CLEC4A: variants seen among roughly 807,000 people sequenced by gnomAD.
CLEC4A encodes C-type (calcium dependent, carbohydrate-recognition domain) lectin, superfamily member 6.
CLEC4A carries 27 observed loss-of-function variants against 32.7 expected under a neutral mutation model. That is an observed-to-expected ratio of 0.83 (90% confidence interval 0.61 to 1.14). The LOEUF (loss-of-function observed/expected upper bound fraction) is 1.14. Among genes scored for constraint, CLEC4A ranks in the 50% most tolerant of loss-of-function variants. The pLI is 0.00. For missense variants in CLEC4A, 253 were observed against 274.6 expected, an observed-to-expected ratio of 0.92 and a Z score of 0.55; for synonymous variants, 89 against 93.7, an observed-to-expected ratio of 0.95 and a Z score of 0.29.
chr12:8,127,574 T>C (rs1380803269), intron 2 of CLEC4A, among the ~76,000 whole-genome samples: 3 of 152,166 alleles, frequency 2.0e-5, no homozygotes, highest in Non-Finnish European at 4.4e-5. Flanking sequence ...ATTGGACTTA[T>C]AGAAACATGA....
In CLEC4A at chr12:8,138,322, G is replaced by T. The variant is rs747801834; in HGVS notation, c.*35G>T. 4 of 1,612,190 alleles carry T rather than the reference G, an allele frequency of 2.5e-6. No homozygotes were observed. Among genetic ancestry groups the T allele is most frequent in the Non-Finnish European group, 3.4e-6 (4 of 1,178,724 alleles). ...TCTCCATGAACAGGTGGTTGGATTG[G>T]TATCTGTCATTGTAGGGATAGATAA... On this transcript the variant is annotated 3_prime_UTR_variant, in exon 6 of 6. Coordinates refer to ENST00000229332, the MANE Select transcript of CLEC4A (RefSeq NM_016184.4).
the CLEC4A span, among the ~76,000 whole-genome samples, chr12:8,108,405 A>G: frequency 1.3e-5 from 2 of 152,160 alleles, no homozygotes; most frequent in African/African-American, 4.8e-5. Flanking sequence ...CACTTTGCTC[A>G]TGTTTTAGTT....
chr12:8,124,785 G>A (rs1228687867), intron 1 of CLEC4A, among the ~76,000 whole-genome samples: 4 of 152,104 alleles, frequency 2.6e-5, no homozygotes, highest in South Asian at 2.1e-4. Context: ...AATGTTCATT[G>A]TAGAAAAAAT....
At chr12:8,133,477 T>C (rs1238719522) in intron 3 of CLEC4A, among the ~76,000 whole-genome samples, 1 of 147,310 alleles carries the variant, frequency 6.8e-6, no homozygotes, top group East Asian at 2.1e-4. Context: ...TTGGTTATTA[T>C]ATTATTCAAT....
At position 8,123,801 on chromosome 12, in the gene CLEC4A, T is replaced by G; in HGVS notation, c.-78T>G. On this transcript the variant is annotated 5_prime_UTR_variant, in exon 1 of 6. Transcript: ENST00000229332. ...AGGAAGGAGGTAATTTACCACCATG[T>G]TTGGTTCCTGTTTATAAGATGTTTT... is the stretch of plus-strand genomic sequence containing the variant. 3.0e-6 allele frequency: 3 copies of G among 993,980 alleles called. No individual in the cohort carries two copies. The highest frequency in any genetic ancestry group is 4.8e-6 in the Non-Finnish European group (3 of 625,984). 61.6% of individuals were successfully genotyped at this position (993,980 alleles called of 1,614,324 possible). A position where few individuals can be genotyped will look rare whatever the true frequency, so the allele number is the denominator to read the frequency against.
At chr12:8,113,771 G>A in the CLEC4A span, among the ~76,000 whole-genome samples, 4 of 152,328 alleles carry the variant, frequency 2.6e-5, no homozygotes, top group East Asian at 7.7e-4. Context: ...AAGAGGGAAA[G>A]CTAATACAAG....
the CLEC4A span, among the ~76,000 whole-genome samples, chr12:8,117,690 G>T: frequency 2.0e-5 from 3 of 152,162 alleles, no homozygotes; most frequent in Non-Finnish European, 2.9e-5. Context: ...GCTTCAACCA[G>T]ATTGGATAAT....
At chr12:8,134,658 G>T (rs758726917) in intron 3 of CLEC4A, 5 of 1,588,896 alleles carry the variant, frequency 3.1e-6, no homozygotes, top group Non-Finnish European at 3.4e-6. Context: ...CTCATACGGC[G>T]GGGGACATGG....
chr12:8,111,231 A>C, the CLEC4A span, among the ~76,000 whole-genome samples: 1 of 124,584 alleles, frequency 8.0e-6, no homozygotes, highest in African/African-American at 3.1e-5. Flanking sequence ...CCCACACTGG[A>C]GTGCAGTGGC....
chr12:8,114,250 CT>C, the CLEC4A span, among the ~76,000 whole-genome samples: 4 of 149,952 alleles, frequency 2.7e-5, no homozygotes, highest in East Asian at 2.0e-4. Context: ...TCCTTTATTT[CT>C]TTTTTTTTTC....
intron 3 of CLEC4A, among the ~76,000 whole-genome samples, chr12:8,132,971 G>A (rs1438803056): frequency 6.6e-6 from 1 of 152,012 alleles, no homozygotes; most frequent in Non-Finnish European, 1.5e-5. Flanking sequence ...CTGGAGTGCA[G>A]TGGTGCGATC....
At chr12:8,120,691 C>T (rs1192467116), upstream of CLEC4A, among the ~76,000 whole-genome samples, 2 of 152,152 alleles carry the variant, frequency 1.3e-5, no homozygotes, top group Non-Finnish European at 2.9e-5. Flanking sequence ...TTTCTCTGTG[C>T]CTTAGCAGAT....
chr12:8,123,693 T>G lies in CLEC4A; in HGVS notation c.-186T>G. ...TTCTGTGAACTGCGGTTTTTAGTTT[T>G]TATTGTGGTTCTTAGTTCTCATGAG... is the stretch of plus-strand genomic sequence containing the variant. On this transcript the variant is annotated 5_prime_UTR_variant, in exon 1 of 6. Coordinates refer to ENST00000229332, the MANE Select transcript of CLEC4A (RefSeq NM_016184.4). 1.8e-6 allele frequency: 1 copy of G among 555,712 alleles called. No individual in the cohort carries two copies. Among genetic ancestry groups the G allele is most frequent in the South Asian group, 2.3e-5 (1 of 44,030 alleles). 34.4% of individuals were successfully genotyped at this position (555,712 alleles called of 1,614,324 possible).
rs73244076 is a variant in CLEC4A at position 8,125,646 on chromosome 12, A to G, written c.168A>G (p.Leu56=). 3.8e-4 allele frequency: 614 copies of G among 1,611,794 alleles called. No homozygotes were observed. The African/African-American group carries it at 6.9e-3, about 18-fold the overall frequency. Residue 56 remains leucine, a synonymous_variant, in exon 2 of 6, where the codon CTA becomes CTG. Coordinates refer to ENST00000229332, the MANE Select transcript of CLEC4A (RefSeq NM_016184.4). ...CCTCACTGTTGATATTTTTCCTGCT[A>G]TTGGCAATCTCATTCTTTATTGCTT... is the stretch of plus-strand genomic sequence containing the variant. ...LCASLLIFFL[L]LAISFFIAFV...
chr12:8,132,700 G>A (rs912369255), intron 3 of CLEC4A, among the ~76,000 whole-genome samples: 2 of 152,188 alleles, frequency 1.3e-5, no homozygotes, highest in Non-Finnish European at 2.9e-5. Context: ...GATTTTCTGT[G>A]TAGTTCTGTC....
At chr12:8,104,844 C>T in the CLEC4A span, among the ~76,000 whole-genome samples, 4,083 of 152,248 alleles carry the variant, frequency 0.027, 76 homozygotes, top group Non-Finnish European at 0.042. Flanking sequence ...CCTATTCCTG[C>T]ATTAGTTCAC....
At chr12:8,136,938 C>T in intron 5 of CLEC4A, 35 bp downstream of exon 5, 2 of 1,418,418 alleles carry the variant, frequency 1.4e-6, no homozygotes, top group Admixed American at 1.7e-5. Flanking sequence ...ATCTTGGGTC[C>T]TGGATCATGC....
At chr12:8,138,062 C>G (rs1477367022) in intron 5 of CLEC4A, 78 bp from the exon 6 acceptor site, 79 of 1,470,966 alleles carry the variant, frequency 5.4e-5, no homozygotes, top group Non-Finnish European at 7.0e-5. Flanking sequence ...AAATTCATCC[C>G]TCGCTCCTCA....
chr12:8,135,450 G>T lies in CLEC4A; in HGVS notation c.299-135G>T, dbSNP rs898570396. The T allele has an allele frequency of 8.8e-6, 7 of 791,298 alleles. No individual in the cohort carries two copies. The East Asian group carries it at 1.9e-4, about 22-fold the overall frequency. 49.0% of individuals were successfully genotyped at this position (791,298 alleles called of 1,614,324 possible). A position where few individuals can be genotyped will look rare whatever the true frequency, so the allele number is the denominator to read the frequency against. ...CTTCCTTGACACCTGAGGGGCAGGGGCTCCTGGTTGCATCTGAGTGTGGAG... is the reference window on the plus strand; with the variant it reads ...CTTCCTTGACACCTGAGGGGCAGGGTCTCCTGGTTGCATCTGAGTGTGGAG... On this transcript the variant is annotated intron_variant, in intron 3 of 5. Transcript: ENST00000229332.
Sources: gnomAD v4.1 joint callset for allele counts (sites outside exome capture counted in the v4.1 genomes callset) on GRCh38, gnomAD v4.1.1 for gene constraint, MANE v1.5 for transcripts, NCBI Gene and HGNC (gene_info 2026-07-23, HGNC 2026-07-21) for gene names.